GALNT18: variants seen among roughly 807,000 people sequenced by gnomAD.
GALNT18 encodes GalNAc-transferase 18.
GALNT18 carries 44 observed loss-of-function variants against 69.5 expected under a neutral mutation model. That is an observed-to-expected ratio of 0.63 (90% CI 0.50 to 0.81). GALNT18 has a LOEUF of 0.81. Among genes scored for constraint, GALNT18 ranks in the 40% least tolerant of loss-of-function variants. The pLI, the probability that GALNT18 is intolerant of heterozygous loss-of-function variation, is 0.00. For synonymous variants in GALNT18, 364 were observed against 318.2 expected (o/e 1.14, Z -1.53); for missense variants, 715 against 810.0 (o/e 0.88, Z 1.42).
At chr11:11,416,224 C>G (rs764063056) in intron 3 of GALNT18, among the ~76,000 whole-genome samples, 1 of 152,208 alleles carries the variant, frequency 6.6e-6, no homozygotes, top group African/African-American at 2.4e-5. Context: ...AGTGCTACCA[C>G]TGGGTAGCCT....
rs111826317 is a variant in GALNT18 at position 11,586,041 on chromosome 11, G to A, written c.235+35318C>T. On this transcript the variant is annotated intron_variant, in intron 1 of 10. Coordinates refer to ENST00000227756, the MANE Select transcript of GALNT18 (RefSeq NM_198516.3). This position sits in a 1 kb window ranked among gnomAD's most constrained non-coding sequence, Gnocchi z 4.1. ...CACCATGTTAGGATGGAACAAGAAC[G>A]TGGTGGTCTGTGAACCCGGCAGTGG... 0.03 allele frequency among the ~76,000 whole-genome samples: 4,558 copies of A among 152,236 alleles called. 213 individuals are homozygous for A. The highest frequency in any genetic ancestry group is 0.1 in the African/African-American group (4,298 of 41,506).
At chr11:11,360,745 G>T (rs1850627747) in intron 6 of GALNT18, among the ~76,000 whole-genome samples, 1 of 151,376 alleles carries the variant, frequency 6.6e-6, no homozygotes, top group African/African-American at 2.4e-5. Flanking sequence ...ATTTCTTCAG[G>T]AAACTTTTTA....
At chr11:11,374,710 C>T (rs1351342924) in intron 5 of GALNT18, among the ~76,000 whole-genome samples, 1 of 152,232 alleles carries the variant, frequency 6.6e-6, no homozygotes, top group African/African-American at 2.4e-5. Flanking sequence ...CGATTTACAC[C>T]TTGCCTCATT....
chr11:11,595,003 A>G lies in GALNT18; in HGVS notation c.235+26356T>C, dbSNP rs200924588. On this transcript the variant is annotated intron_variant, in intron 1 of 10. Transcript: ENST00000227756. The surrounding 1 kb of genome is among the most constrained non-coding windows in gnomAD (Gnocchi z 5.2). ...CATATGTGTGTGTGTGTGTGTGTAT[A>G]TATATCTATATAAAATCTCCAAGAA... Among the ~76,000 whole-genome samples the G allele has an allele frequency of 2.7e-5, 4 of 147,020 alleles. No individual in the cohort carries two copies. The highest frequency in any genetic ancestry group is 9.8e-5 in the African/African-American group (4 of 40,656).
chr11:11,375,370 G>A (rs1431939400), intron 5 of GALNT18, among the ~76,000 whole-genome samples: 1 of 152,188 alleles, frequency 6.6e-6, no homozygotes, highest in Non-Finnish European at 1.5e-5. Context: ...GCAAGGACCT[G>A]GAATGCAGGC....
At chr11:11,375,905 G>A (rs1347361988) in intron 5 of GALNT18, among the ~76,000 whole-genome samples, 2 of 152,184 alleles carry the variant, frequency 1.3e-5, no homozygotes, top group Admixed American at 1.3e-4. Context: ...GTGATCTTAA[G>A]TAATAATCCC....
In GALNT18 at chr11:11,387,475, A is replaced by G. The variant is rs1449347667; in HGVS notation, c.596-8211T>C. 1.3e-5 allele frequency among the ~76,000 whole-genome samples: 2 copies of G among 152,148 alleles called. No individual in the cohort carries two copies. The highest frequency in any genetic ancestry group is 4.8e-5 in the African/African-American group (2 of 41,408). ...ACCCCCACTAATCCACCTCCCACTG[A>G]CAAGTGCAATTAATTGCTTGTCTCC... On this transcript the variant is annotated intron_variant, in intron 3 of 10. Coordinates refer to ENST00000227756, the MANE Select transcript of GALNT18 (RefSeq NM_198516.3). The surrounding 1 kb of genome is among the most constrained non-coding windows in gnomAD (Gnocchi z 4.6).
intron 10 of GALNT18, among the ~76,000 whole-genome samples, chr11:11,272,971 TGCCTGA>T (rs1294462004): frequency 1.1e-4 from 17 of 152,076 alleles, no homozygotes; most frequent in Admixed American, 5.3e-4. Flanking sequence ...TTCAATAAAT[TGCCTGA>T]GAAAATGCAA....
At chr11:11,572,738 C>G (rs939225116) in intron 1 of GALNT18, among the ~76,000 whole-genome samples, 1 of 152,198 alleles carries the variant, frequency 6.6e-6, no homozygotes, top group African/African-American at 2.4e-5. Context: ...TCGCAACCCT[C>G]GCCTTCCTGC....
chr11:11,614,021 C>T lies in GALNT18; in HGVS notation c.235+7338G>A, dbSNP rs570406660. On this transcript the variant is annotated intron_variant, in intron 1 of 10. Transcript: ENST00000227756. This position sits in a 1 kb window ranked among gnomAD's most constrained non-coding sequence, Gnocchi z 5.6. ...TGTGCTTCTCCACAGGGCAGCCTGT[C>T]TGTCCCCATCTCCCAGATAGAACCC... 2.6e-5 allele frequency among the ~76,000 whole-genome samples: 4 copies of T among 152,296 alleles called. No individual in the cohort carries two copies. In the East Asian group the frequency reaches 5.8e-4, roughly 22 times the overall value.
intron 9 of GALNT18, among the ~76,000 whole-genome samples, chr11:11,305,030 C>T (rs1422335453): frequency 6.6e-6 from 1 of 152,186 alleles, no homozygotes; most frequent in Non-Finnish European, 1.5e-5. Flanking sequence ...AGGAGGGGTA[C>T]TGCCAAGCCT....
At chr11:11,291,756 G>A (rs888769293) in intron 10 of GALNT18, among the ~76,000 whole-genome samples, 1 of 152,104 alleles carries the variant, frequency 6.6e-6, no homozygotes, top group Non-Finnish European at 1.5e-5. Flanking sequence ...TTAGGCTCTT[G>A]GTTCTGCTTT....
chr11:11,290,977 C>T (rs1849286411), intron 10 of GALNT18, among the ~76,000 whole-genome samples: 1 of 152,228 alleles, frequency 6.6e-6, no homozygotes, highest in South Asian at 2.1e-4. Context: ...TTGCACCCAG[C>T]TCGACTTGAG....
chr11:11,360,721 T>G (rs1302222774), intron 6 of GALNT18, among the ~76,000 whole-genome samples: 2 of 152,178 alleles, frequency 1.3e-5, no homozygotes, highest in African/African-American at 4.8e-5. Flanking sequence ...CAAATGTAAA[T>G]CATGTTAATA....
intron 8 of GALNT18, among the ~76,000 whole-genome samples, chr11:11,331,447 T>C (rs1321684112): frequency 6.6e-6 from 1 of 152,160 alleles, no homozygotes; most frequent in Non-Finnish European, 1.5e-5. Flanking sequence ...GGGGGGCACA[T>C]AGGGAGCACT....
rs1430463379 is a variant in GALNT18, at chr11:11,448,843, C to T, written c.329G>A (p.Arg110Gln). Residue 110 changes from arginine to glutamine, a missense_variant, in exon 2 of 11, where the codon CGG becomes CAG. Arg to Gln is a conservative substitution (Grantham distance 43). Transcript: ENST00000227756. ...HWGQELSPEG[R>Q]RVALKQFQYY... ...CTGGAATTGCTTCAGGGCCACGCGCCGGCCTTCGGGGCTGAGCTCCTGGCC... is the reference window on the plus strand; with the variant it reads ...CTGGAATTGCTTCAGGGCCACGCGCTGGCCTTCGGGGCTGAGCTCCTGGCC... The T allele has an allele frequency of 8.7e-6, 14 of 1,611,684 alleles. No homozygotes were observed. Among genetic ancestry groups the T allele is most frequent in the Middle Eastern group, 1.6e-4 (1 of 6,080 alleles).
intron 3 of GALNT18, among the ~76,000 whole-genome samples, chr11:11,416,816 C>T (rs911988569): frequency 1.1e-4 from 17 of 152,202 alleles, no homozygotes; most frequent in African/African-American, 2.4e-4. Context: ...GCTAGGGCAG[C>T]GTGGCGAGCC....
chr11:11,326,075 C>T (rs1471116795), intron 9 of GALNT18, among the ~76,000 whole-genome samples: 3 of 140,364 alleles, frequency 2.1e-5, no homozygotes, highest in South Asian at 2.3e-4. Context: ...GACGGAATCT[C>T]GCTCTGTCGC....
At chr11:11,381,130 G>A (rs1247435891) in intron 3 of GALNT18, among the ~76,000 whole-genome samples, 1 of 152,234 alleles carries the variant, frequency 6.6e-6, no homozygotes, top group Non-Finnish European at 1.5e-5. Flanking sequence ...TGGCCATGGA[G>A]CAGCATAACT....
Sources: gnomAD v4.1 joint callset for allele counts (sites outside exome capture counted in the v4.1 genomes callset) on GRCh38, gnomAD v4.1.1 for gene constraint, Gnocchi (gnomAD v3.1) non-coding constraint, MANE v1.5 for transcripts, NCBI Gene and HGNC (gene_info 2026-07-23, HGNC 2026-07-21) for gene names.